Variants in KANSL1L observed in about 807,000 individuals in gnomAD.
KANSL1L encodes the protein KAT8 regulatory NSL complex subunit 1 like, also known as KAT8 regulatory NSL complex subunit 1-like protein.
In KANSL1L, 25 loss-of-function variants were observed where a neutral mutation model predicts 108.6. The observed-to-expected ratio is 0.23, with a 90% CI of 0.17 to 0.32. The LOEUF (loss-of-function observed/expected upper bound fraction) is 0.32, where lower values mean the gene tolerates loss of function less well. Among genes scored for constraint, KANSL1L ranks in the 10% least tolerant of loss-of-function variants. KANSL1L has a pLI of 1.00. For missense variants in KANSL1L, 1,137 were observed against 1,125.7 expected (o/e 1.01, Z -0.14); for synonymous variants, 405 against 395.1 (o/e 1.03, Z -0.30).
chr2:210,031,309 G>C (rs1317920080), intron 9 of KANSL1L, 112 bp downstream of exon 9: 10 of 688,184 alleles, frequency 1.5e-5, no homozygotes, highest in Admixed American at 5.8e-5. Context: ...TAGATGTTTT[G>C]TGTTATTAGT....
At chr2:210,147,062 G>C (rs574410915) in intron 2 of KANSL1L, among the ~76,000 whole-genome samples, 1 of 151,978 alleles carries the variant, frequency 6.6e-6, no homozygotes, top group African/African-American at 2.4e-5. Flanking sequence ...TAAACACATA[G>C]TCTTTTAAAC....
At chr2:210,170,750 T>G (rs976017392) in intron 1 of KANSL1L, 2 of 152,238 alleles carry the variant, frequency 1.3e-5, no homozygotes, top group African/African-American at 4.8e-5. Flanking sequence ...TGGGTGAGGC[T>G]CAGCCGATGA....
chr2:210,096,490 A>G, intron 5 of KANSL1L: 1 of 985,012 alleles, frequency 1.0e-6, no homozygotes, highest in Non-Finnish European at 1.2e-6. Context: ...AGGCAAGTAT[A>G]TTAAAATGAA....
chr2:210,140,374 T>C (rs2095216973), intron 2 of KANSL1L, among the ~76,000 whole-genome samples: 1 of 152,218 alleles, frequency 6.6e-6, no homozygotes, highest in African/African-American at 2.4e-5. Flanking sequence ...TCCTTTGATA[T>C]GTAGATAACC....
intron 1 of KANSL1L, among the ~76,000 whole-genome samples, chr2:210,163,607 G>A (rs760063574): frequency 6.6e-6 from 1 of 151,944 alleles, no homozygotes; most frequent in Non-Finnish European, 1.5e-5. Context: ...AAACAATAAT[G>A]ACTAAGAATT....
chr2:210,082,984 T>C (rs993535843), intron 5 of KANSL1L, among the ~76,000 whole-genome samples: 12 of 152,164 alleles, frequency 7.9e-5, no homozygotes, highest in African/African-American at 2.7e-4. Flanking sequence ...TTGGAAATAC[T>C]TGGCAAATGT....
chr2:210,071,830 G>A (rs182669763), intron 6 of KANSL1L, among the ~76,000 whole-genome samples: 173 of 152,108 alleles, frequency 1.1e-3, no homozygotes, highest in African/African-American at 3.8e-3. Flanking sequence ...CCACTACAGC[G>A]TTTGTTTTTG....
At chr2:210,133,632 G>A (rs1228922849) in intron 2 of KANSL1L, among the ~76,000 whole-genome samples, 2 of 151,596 alleles carry the variant, frequency 1.3e-5, no homozygotes, top group African/African-American at 4.8e-5. Flanking sequence ...TTTTTAAGTA[G>A]GAGACTTAGA....
intron 1 of KANSL1L, among the ~76,000 whole-genome samples, chr2:210,167,602 T>C (rs1159933845): frequency 6.6e-6 from 1 of 152,032 alleles, no homozygotes; most frequent in Non-Finnish European, 1.5e-5. Context: ...CACTGATTAA[T>C]GACCTACTGC....
chr2:210,117,117 T>TA (rs2094962114), intron 3 of KANSL1L, among the ~76,000 whole-genome samples: 1 of 152,076 alleles, frequency 6.6e-6, no homozygotes, highest in Admixed American at 6.6e-5. Context: ...ATGCACAAGA[T>TA]AGAGTCTCTT....
intron 6 of KANSL1L, among the ~76,000 whole-genome samples, chr2:210,048,582 TAC>T (rs1001776392): frequency 1.1e-4 from 17 of 152,128 alleles, no homozygotes; most frequent in South Asian, 6.2e-4. Context: ...TATATATATA[TAC>T]ACACACACAT....
At chr2:210,144,314 T>C (rs1343989630) in intron 2 of KANSL1L, among the ~76,000 whole-genome samples, 2 of 152,220 alleles carry the variant, frequency 1.3e-5, no homozygotes, top group African/African-American at 4.8e-5. Context: ...TGAAAATGAC[T>C]GGAGAACTTT....
At chr2:210,045,923 A>T (rs975506729) in intron 6 of KANSL1L, among the ~76,000 whole-genome samples, 1 of 152,190 alleles carries the variant, frequency 6.6e-6, no homozygotes, top group Non-Finnish European at 1.5e-5. Context: ...GTCTTGGTCC[A>T]TTCAGACTGC....
chr2:210,030,796 T>C (rs775388034), intron 9 of KANSL1L: 2 of 152,084 alleles, frequency 1.3e-5, no homozygotes, highest in Admixed American at 1.3e-4. Flanking sequence ...ACATTGACTT[T>C]TGACAGGCTG....
At chr2:210,161,483 TCTAGAAAAAATGTTTGTGACAC>T (rs1162592120) in intron 1 of KANSL1L, among the ~76,000 whole-genome samples, 3 of 152,210 alleles carry the variant, frequency 2.0e-5, no homozygotes, top group Non-Finnish European at 4.4e-5. Flanking sequence ...CTATACAACT[TCTAGAAAAAATGTTTGTGACAC>T]TGCTTTAGGC....
At chr2:210,111,385 A>G (rs1458949469) in intron 3 of KANSL1L, among the ~76,000 whole-genome samples, 1 of 152,206 alleles carries the variant, frequency 6.6e-6, no homozygotes, top group Admixed American at 6.5e-5. Flanking sequence ...AGAGCAAAAT[A>G]GAGATTAATG....
intron 8 of KANSL1L, 93 bp downstream of exon 8, chr2:210,040,322 ATTCTT>A (rs778835735): frequency 1.0e-5 from 7 of 680,316 alleles, no homozygotes; most frequent in African/African-American, 1.9e-5. Context: ...ATTTTCATGT[ATTCTT>A]TTCTTAGATT....
intron 6 of KANSL1L, among the ~76,000 whole-genome samples, chr2:210,045,423 A>T (rs1403949988): frequency 6.6e-6 from 1 of 151,478 alleles, no homozygotes; most frequent in African/African-American, 2.4e-5. Flanking sequence ...AACTCCATTT[A>T]CTCTCCTGTT....
In KANSL1L at chr2:210,023,119, A is replaced by ATAAT. The variant is rs1559491028; in HGVS notation, c.2790_2793dup (p.Cys932IlefsTer5). The ATAAT allele has an allele frequency of 6.2e-7, 1 of 1,613,998 alleles. No individual in the cohort carries two copies. Among genetic ancestry groups the ATAAT allele is most frequent in the East Asian group, 2.2e-5 (1 of 44,868 alleles). On this transcript the variant is annotated frameshift_variant, in exon 15 of 15. Transcript: ENST00000281772. LOFTEE classifies it high-confidence loss of function. ...ACCTGATCCTTTTTTTCATCTTGAC[A>ATAAT]TAATAAGGCTGCCATGTCTTCACCC...
Sources: allele counts gnomAD v4.1 joint callset (sites outside exome capture counted in the v4.1 genomes callset), GRCh38; gene constraint gnomAD v4.1.1; transcripts MANE v1.5; gene names NCBI Gene and HGNC (gene_info 2026-07-23, HGNC 2026-07-21).